The following CPVL variants were observed in gnomAD, a reference collection of about 807,000 sequenced individuals.
The protein encoded by CPVL is carboxypeptidase vitellogenic like.
CPVL carries 51 observed loss-of-function variants against 63.7 expected under a neutral mutation model. The ratio of observed to expected loss-of-function variants is 0.80; its 90% CI spans 0.64 to 1.01. The LOEUF (loss-of-function observed/expected upper bound fraction) is 1.01. Ranked by LOEUF, CPVL falls within the 50% of genes least tolerant of loss-of-function variation. The probability of loss-of-function intolerance (pLI) is 0.00; values close to 1 mark genes in which losing one functional copy is unlikely to be tolerated. For synonymous variants in CPVL, 195 were observed against 206.0 expected, an observed-to-expected ratio of 0.95 and a Z score of 0.46; for missense variants, 530 against 573.1, an observed-to-expected ratio of 0.92 and a Z score of 0.77.
intron 6 of CPVL, among the ~76,000 whole-genome samples, chr7:29,091,684 A>G (rs1006369204): frequency 2.6e-5 from 3 of 115,142 alleles, no homozygotes; most frequent in Non-Finnish European, 4.7e-5. Context: ...AAAACAAACA[A>G]AAGTGGAGAA....
chr7:29,094,271 G>A (rs1306995519), intron 5 of CPVL, among the ~76,000 whole-genome samples: 1 of 152,066 alleles, frequency 6.6e-6, no homozygotes, highest in Non-Finnish European at 1.5e-5. Flanking sequence ...AACCTGGGAA[G>A]TGGAGGTTGC....
intron 11 of CPVL, among the ~76,000 whole-genome samples, chr7:29,050,878 A>T (rs1001777508): frequency 6.6e-6 from 1 of 152,204 alleles, no homozygotes; most frequent in Non-Finnish European, 1.5e-5. Flanking sequence ...TCACCAAAAC[A>T]GCGTGGTACT....
intron 7 of CPVL, 96 bp downstream of exon 7, chr7:29,086,388 A>G (rs1785205256): frequency 1.2e-6 from 1 of 838,872 alleles, no homozygotes; most frequent in Non-Finnish European, 2.0e-6. Flanking sequence ...GTACATGTAT[A>G]TACATATATA....
rs1405522287 is a variant in CPVL at position 29,112,686 on chromosome 7, T to C, written c.288+18A>G. 2 of 1,562,120 alleles carry C rather than the reference T, an allele frequency of 1.3e-6. No homozygotes were observed. Among genetic ancestry groups the C allele is most frequent in the Non-Finnish European group, 8.8e-7 (1 of 1,133,352 alleles). On this transcript the variant is annotated intron_variant, in intron 3 of 12. Transcript: ENST00000265394. The stretch of plus-strand genomic sequence containing the variant: ...AGCCAGGTCTTGAACACTGGTGTTC[T>C]TTCTGTTGGGCACCTACCTGAGCTG...
intron 5 of CPVL, among the ~76,000 whole-genome samples, chr7:29,178,330 C>A (rs957406287): frequency 2.0e-5 from 3 of 152,112 alleles, no homozygotes; most frequent in Admixed American, 6.5e-5. Flanking sequence ...CCACTATGAC[C>A]CACGTGGCTG....
At chr7:29,083,207 G>A (rs947928948) in intron 7 of CPVL, among the ~76,000 whole-genome samples, 3 of 152,214 alleles carry the variant, frequency 2.0e-5, no homozygotes, top group South Asian at 2.1e-4. Context: ...GAAAAACTCG[G>A]ACCATTTTTC....
At chr7:29,189,873 G>A (rs1782670623) in intron 1 of CPVL, among the ~76,000 whole-genome samples, 1 of 152,182 alleles carries the variant, frequency 6.6e-6, no homozygotes, top group Admixed American at 6.5e-5. Context: ...GAATACCTGT[G>A]CCTGCGTCGT....
rs369104054 is a variant in CPVL at position 29,020,056 on chromosome 7, G to A, written c.1320+10521C>T. Reference sequence around the variant, plus strand: ...TATTTGCCACCAGTTTCTGACTGGCGGCCAATTCCTTTTACCACCTCTGTG... The same window carrying A: ...TATTTGCCACCAGTTTCTGACTGGCAGCCAATTCCTTTTACCACCTCTGTG... On this transcript the variant is annotated intron_variant, in intron 12 of 12. Coordinates refer to ENST00000265394, the MANE Select transcript of CPVL (RefSeq NM_031311.5). 2.5e-4 allele frequency among the ~76,000 whole-genome samples: 38 copies of A among 152,190 alleles called. No homozygotes were observed. The East Asian group carries it at 6.2e-3, about 25-fold the overall frequency.
chr7:29,195,045 T>C (rs1220627065), intron 1 of CPVL: 2 of 1,544,706 alleles, frequency 1.3e-6, no homozygotes, highest in Admixed American at 1.8e-5. Context: ...CCCACTGCCC[T>C]CGCCCCGCAG....
chr7:29,149,635 G>C (rs1054942737), upstream of CPVL, among the ~76,000 whole-genome samples: 2 of 152,174 alleles, frequency 1.3e-5, no homozygotes, highest in Non-Finnish European at 2.9e-5. Context: ...TTGTCTCATA[G>C]TTCTGGAGGC....
rs1787794398 is a variant in CPVL, at chr7:29,029,315, GGAAAA to G, written c.1320+1257_1320+1261del. On this transcript the variant is annotated intron_variant, in intron 12 of 12. Transcript: ENST00000265394. ...TTCCACTACTTGATATTTTTCTAAA[GGAAAA>G]GAAATCAGTATATTAAAGGAATATC... Among the ~76,000 whole-genome samples, 4 of 152,202 alleles carry G rather than the reference GGAAAA, an allele frequency of 2.6e-5. 1 individual carries two copies. In the South Asian group the frequency reaches 6.2e-4, roughly 24 times the overall value.
chr7:29,155,236 T>G (rs190163110), intron 5 of CPVL, among the ~76,000 whole-genome samples: 1 of 152,310 alleles, frequency 6.6e-6, no homozygotes, highest in Admixed American at 6.5e-5. Context: ...TATTATTATC[T>G]AAACTTGGGT....
chr7:29,064,064 A>ATAAT lies in CPVL; in HGVS notation c.1130_1133dup (p.Tyr378Ter), dbSNP rs769092979. 6.2e-7 allele frequency: 1 copy of ATAAT among 1,607,266 alleles called. No homozygotes were observed. Among genetic ancestry groups the ATAAT allele is most frequent in the African/African-American group, 1.3e-5 (1 of 74,680 alleles). The stretch of plus-strand genomic sequence containing the variant: ...GTAACTGAAGTAGCTCTCTTACCTT[A>ATAAT]TAATTATTCATGATTTCAGTTAACC... On this transcript the variant is annotated stop_gained and frameshift_variant, in exon 11 of 13. Transcript: ENST00000265394. LOFTEE classifies it high-confidence loss of function.
intron 12 of CPVL, among the ~76,000 whole-genome samples, chr7:29,027,972 A>G (rs1787659630): frequency 6.6e-6 from 1 of 152,156 alleles, no homozygotes; most frequent in African/African-American, 2.4e-5. Flanking sequence ...AAATAAAAAG[A>G]CCCCAAATAG....
At chr7:29,100,673 G>A (rs989722782) in intron 3 of CPVL, among the ~76,000 whole-genome samples, 8 of 152,268 alleles carry the variant, frequency 5.3e-5, no homozygotes, top group Admixed American at 5.2e-4. Flanking sequence ...TTGAAGCACA[G>A]GACACTGCAT....
intron 2 of CPVL, among the ~76,000 whole-genome samples, chr7:29,113,475 C>T (rs1584299130): frequency 1.3e-5 from 2 of 151,978 alleles, no homozygotes; most frequent in Admixed American, 6.6e-5. Context: ...GGGGTCCTGG[C>T]GTTCTTATGG....
chr7:29,012,349 TAAGAGC>T (rs1214129733), intron 12 of CPVL: 7 of 152,324 alleles, frequency 4.6e-5, no homozygotes, highest in African/African-American at 1.7e-4. Flanking sequence ...CACTACTATC[TAAGAGC>T]ACTGCACACC....
At chr7:29,124,691 T>TACTAAG (rs1789801784) in intron 1 of CPVL, among the ~76,000 whole-genome samples, 2 of 152,112 alleles carry the variant, frequency 1.3e-5, no homozygotes, top group African/African-American at 4.8e-5. Context: ...AAAATGATTC[T>TACTAAG]ACTAAGAATG....
At position 28,995,891 on chromosome 7, in the gene CPVL, G is replaced by T; in HGVS notation, c.1321-9C>A. 6.7e-7 allele frequency: 1 copy of T among 1,503,452 alleles called. No individual in the cohort carries two copies. Among genetic ancestry groups the T allele is most frequent in the Non-Finnish European group, 9.1e-7 (1 of 1,104,166 alleles). 93.1% of individuals were successfully genotyped at this position (1,503,452 alleles called of 1,614,324 possible). A position where few individuals can be genotyped will look rare whatever the true frequency, so the allele number is the denominator to read the frequency against. On this transcript the variant is annotated splice_polypyrimidine_tract_variant and intron_variant, in intron 12 of 12. Coordinates refer to ENST00000265394, the MANE Select transcript of CPVL (RefSeq NM_031311.5). Reference sequence around the variant, plus strand: ...CCACCTCGAATAATTACCTTAAAAAGAAAAAGTAAAAGAACGGAAATTTAG... The same window carrying T: ...CCACCTCGAATAATTACCTTAAAAATAAAAAGTAAAAGAACGGAAATTTAG...
Sources: allele counts gnomAD v4.1 joint callset (sites outside exome capture counted in the v4.1 genomes callset), GRCh38; gene constraint gnomAD v4.1.1; transcripts MANE v1.5; gene names NCBI Gene and HGNC (gene_info 2026-07-23, HGNC 2026-07-21).